Variants in EFNB1 observed in about 807,000 individuals in gnomAD.
The protein encoded by EFNB1 is ephrin B1, also known as ephrin-B1.
EFNB1 carries 1 observed loss-of-function variant against 18.1 expected under a neutral mutation model. The observed-to-expected ratio is 0.06, with a 90% confidence interval of 0.02 to 0.26. EFNB1 has a LOEUF of 0.26. Ranked by LOEUF, EFNB1 falls within the 10% of genes least tolerant of loss-of-function variation. EFNB1 has a pLI of 1.00. For missense variants in EFNB1, 221 were observed against 301.8 expected, an observed-to-expected ratio of 0.73 and a Z score of 1.98; for synonymous variants, 131 against 127.5, an observed-to-expected ratio of 1.03 and a Z score of -0.19.
At position 68,840,552 on chromosome X, in the gene EFNB1, C is replaced by T. The variant is rs1469051854; in HGVS notation, c.939C>T (p.Tyr313=). The T allele has an allele frequency of 7.4e-6, 9 of 1,211,359 alleles. No homozygotes were observed. In the East Asian group the frequency reaches 2.4e-4, roughly 32 times the overall value. Residue 313 remains tyrosine, a synonymous_variant, in exon 5 of 5, where the codon TAC becomes TAT. Coordinates refer to ENST00000204961, the MANE Select transcript of EFNB1 (RefSeq NM_004429.5). ...CCTTACGGACTACAGAGAACAACTACTGCCCCCACTATGAGAAGGTGAGTG... is the reference window on the plus strand; with the variant it reads ...CCTTACGGACTACAGAGAACAACTATTGCCCCCACTATGAGAAGGTGAGTG... The part of the protein sequence containing the change: ...IIPLRTTENN[Y]CPHYEKVSGD...
Position 68,839,661 on chromosome X carries a change from C to T in EFNB1, c.407-3C>T, listed in dbSNP as rs1375892868. 2.5e-6 allele frequency: 3 copies of T among 1,210,439 alleles called. No individual in the cohort carries two copies. The highest frequency in any genetic ancestry group is 3.4e-6 in the Non-Finnish European group (3 of 894,617). On this transcript the variant is annotated splice_region_variant and splice_polypyrimidine_tract_variant and intron_variant, in intron 2 of 4. Coordinates refer to ENST00000204961, the MANE Select transcript of EFNB1 (RefSeq NM_004429.5). ...CTCTGACTTCTCTGGCCTCTTCCTG[C>T]AGCAACATCCAATGGAAGCCTGGAG...
chrX:68,836,943 T>C (rs185457004), intron 1 of EFNB1, among the ~76,000 whole-genome samples: 1 of 111,919 alleles, frequency 8.9e-6, no homozygotes, highest in Non-Finnish European at 1.9e-5. Context: ...CTTTGTGTTG[T>C]AGCCACTGCT....
rs35202024 is a variant in EFNB1 at position 68,840,504 on chromosome X, C to T, written c.891C>T (p.Thr297=). The T allele has an allele frequency of 1.5e-3, 1,816 of 1,209,786 alleles. 1 individual carries two copies. The highest frequency in any genetic ancestry group is 1.8e-3 in the Non-Finnish European group (1,614 of 894,798). Residue 297 remains threonine, a synonymous_variant, in exon 5 of 5, where the codon ACC becomes ACT. Transcript: ENST00000204961. ...SPKGGSGTAG[T]EPSDIIIPLR... ...AGGGGGGCAGTGGCACAGCGGGCAC[C>T]GAGCCCAGCGACATCATCATTCCCT...
In EFNB1 at chrX:68,829,596, T is replaced by G. The variant is rs2080438335; in HGVS notation, c.-181T>G. The G allele has an allele frequency of 1.2e-6, 1 of 807,639 alleles. No homozygotes were observed. Among genetic ancestry groups the G allele is most frequent in the Admixed American group, 2.8e-5 (1 of 35,172 alleles). 66.6% of individuals were successfully genotyped at this position (807,639 alleles called of 1,213,427 possible). On this transcript the variant is annotated 5_prime_UTR_variant, in exon 1 of 5. Transcript: ENST00000204961. ...TTGGGGGCGGCTGCCCAGTGAGTCC[T>G]CCTGGCCGGCCGGGCGGAGAAGAGC...
intron 1 of EFNB1, among the ~76,000 whole-genome samples, chrX:68,835,070 T>C (rs2080457076): frequency 8.9e-6 from 1 of 112,062 alleles, no homozygotes; most frequent in South Asian, 3.7e-4. Context: ...GTGGCAGTGA[T>C]GGCATCGTGG....
chrX:68,839,782 T>A, intron 3 of EFNB1, 26 bp downstream of exon 3: 1 of 1,195,865 alleles, frequency 8.4e-7, no homozygotes, highest in East Asian at 3.0e-5. Flanking sequence ...GAGGGTCCCC[T>A]CACCCCACCC....
intron 1 of EFNB1, among the ~76,000 whole-genome samples, chrX:68,831,182 C>T (rs754275616): frequency 9.0e-6 from 1 of 111,051 alleles, no homozygotes; most frequent in African/African-American, 3.3e-5. Context: ...ACGCCGCCTC[C>T]CCCCCAGCCC....
intron 1 of EFNB1, among the ~76,000 whole-genome samples, chrX:68,832,051 G>A (rs1423409424): frequency 5.4e-5 from 6 of 110,770 alleles, no homozygotes; most frequent in Non-Finnish European, 1.1e-4. Context: ...GGGTGGTGGG[G>A]GCAAATGGAC....
At chrX:68,834,076 G>A (rs188948346) in intron 1 of EFNB1, among the ~76,000 whole-genome samples, 32 of 112,319 alleles carry the variant, frequency 2.8e-4, no homozygotes, top group African/African-American at 8.4e-4. Context: ...CTGCCCCTGA[G>A]TTCCCCTCTT....
intron 1 of EFNB1, among the ~76,000 whole-genome samples, chrX:68,836,043 T>C (rs2080459973): frequency 8.9e-6 from 1 of 111,853 alleles, no homozygotes; most frequent in Non-Finnish European, 1.9e-5. Context: ...GTTGTTAAGA[T>C]GCAACAGTAC....
At position 68,840,891 on chromosome X, in the gene EFNB1, G is replaced by A. The variant is rs1434132825; in HGVS notation, c.*237G>A. 2.3e-6 allele frequency: 1 copy of A among 429,217 alleles called. No homozygotes were observed. Among genetic ancestry groups the A allele is most frequent in the Non-Finnish European group, 4.1e-6 (1 of 246,411 alleles). 35.4% of individuals were successfully genotyped at this position (429,217 alleles called of 1,213,427 possible). On this transcript the variant is annotated 3_prime_UTR_variant, in exon 5 of 5. Coordinates refer to ENST00000204961, the MANE Select transcript of EFNB1 (RefSeq NM_004429.5). ...TCTGGCCAGGCCTCTGGGCTCCGTG[G>A]GGGCGCCCCTTCTTGGAAGGCAGGG... is the stretch of plus-strand genomic sequence containing the variant.
At chrX:68,835,764 T>C (rs772478700) in intron 1 of EFNB1, among the ~76,000 whole-genome samples, 1 of 111,840 alleles carries the variant, frequency 8.9e-6, no homozygotes, top group Non-Finnish European at 1.9e-5. Flanking sequence ...TTGAAGAGAC[T>C]CTGAGGGGTT....
At chrX:68,832,811 C>CGTATGTGT (rs2080449879) in intron 1 of EFNB1, among the ~76,000 whole-genome samples, 1 of 97,358 alleles carries the variant, frequency 1.0e-5, no homozygotes, top group African/African-American at 3.9e-5. Context: ...TCTGTGTGTG[C>CGTATGTGT]GTGTGTGTGT....
At chrX:68,838,955 T>C (rs2080469579) in intron 2 of EFNB1, 61 bp downstream of exon 2, 3 of 1,151,303 alleles carry the variant, frequency 2.6e-6, no homozygotes, top group Non-Finnish European at 3.5e-6. Context: ...TCCTCTCCTG[T>C]AGTAGTGGGA....
At chrX:68,829,972 G>T (rs1276453959) in intron 1 of EFNB1, 68 bp downstream of exon 1, 1 of 1,149,677 alleles carries the variant, frequency 8.7e-7, no homozygotes, top group Non-Finnish European at 1.2e-6. Flanking sequence ...CGCACGCCCC[G>T]GAGTGCATGT....
At chrX:68,837,841 G>A (rs1244447167) in intron 1 of EFNB1, among the ~76,000 whole-genome samples, 2 of 112,431 alleles carry the variant, frequency 1.8e-5, no homozygotes, top group Non-Finnish European at 3.8e-5. Flanking sequence ...TTCTTTTTAA[G>A]AATGAGATGA....
intron 1 of EFNB1, among the ~76,000 whole-genome samples, chrX:68,834,747 C>G (rs964863567): frequency 8.9e-6 from 1 of 112,644 alleles, no homozygotes; most frequent in Non-Finnish European, 1.9e-5. Context: ...GAGGCTTCTA[C>G]CAGACTTGGG....
At chrX:68,838,465 C>T (rs1250070551) in intron 1 of EFNB1, 152 bp from the exon 2 acceptor site, 10 of 643,884 alleles carry the variant, frequency 1.6e-5, no homozygotes, top group Admixed American at 2.8e-5. Flanking sequence ...TCTCTCCCCA[C>T]CCCCAGCCTG....
At chrX:68,839,577 G>A in intron 2 of EFNB1, 87 bp from the exon 3 acceptor site, 1 of 911,432 alleles carries the variant, frequency 1.1e-6, no homozygotes, top group Admixed American at 2.6e-5. Flanking sequence ...CTCCCTGTTG[G>A]CTGAAGCAGA....
Sources: gnomAD v4.1 joint callset for allele counts (sites outside exome capture counted in the v4.1 genomes callset) on GRCh38, gnomAD v4.1.1 for gene constraint, MANE v1.5 for transcripts, NCBI Gene and HGNC (gene_info 2026-07-23, HGNC 2026-07-21) for gene names.